PCDHGA2: variants seen among roughly 807,000 people sequenced by gnomAD.
PCDHGA2 encodes the protein protocadherin gamma-A2.
In PCDHGA2, 40 loss-of-function variants were observed where a neutral mutation model predicts 59.2. That is an observed-to-expected ratio of 0.68 (90% CI 0.52 to 0.88). The LOEUF (loss-of-function observed/expected upper bound fraction) is 0.88, where lower values mean the gene tolerates loss of function less well. Among genes scored for constraint, PCDHGA2 ranks in the 40% least tolerant of loss-of-function variants. The pLI is 0.00. For missense variants in PCDHGA2, 1,226 were observed against 1,204.0 expected (o/e 1.02, Z -0.27); for synonymous variants, 560 against 526.0 (o/e 1.06, Z -0.89).
In PCDHGA2 at chr5:141,394,083, G is replaced by A. The variant is rs146481056; in HGVS notation, c.2424+52688G>A. The A allele has an allele frequency of 3.1e-6, 5 of 1,613,826 alleles. No individual in the cohort carries two copies. The East Asian group carries it at 6.7e-5, about 22-fold the overall frequency. On this transcript the variant is annotated intron_variant, in intron 1 of 3. Transcript: ENST00000394576. ...CTCTATCTACAATATCACAGTGATG[G>A]CCTCAGATCTAGGAACACCACCTCT... is the stretch of plus-strand genomic sequence containing the variant.
At chr5:141,419,663 G>T (rs1459319505) in intron 1 of PCDHGA2, 1 of 1,612,710 alleles carries the variant, frequency 6.2e-7, no homozygotes, top group Non-Finnish European at 8.5e-7. Flanking sequence ...GGGGCACAAT[G>T]CCTGGCTGTC....
chr5:141,372,910 A>AT, intron 1 of PCDHGA2: 1 of 1,053,676 alleles, frequency 9.5e-7, no homozygotes, highest in East Asian at 2.6e-5. Flanking sequence ...TGATTACATT[A>AT]TTTTATTGAT....
At chr5:141,384,694 G>A (rs772190655) in intron 1 of PCDHGA2, 1 of 1,614,084 alleles carries the variant, frequency 6.2e-7, no homozygotes, top group Non-Finnish European at 8.5e-7. Context: ...CAAAGATTCA[G>A]GCCAGAACGC....
intron 1 of PCDHGA2, chr5:141,394,355 G>C (rs767192511): frequency 4.3e-6 from 7 of 1,614,064 alleles, no homozygotes; most frequent in African/African-American, 1.3e-5. Context: ...CCGGTGTCCT[G>C]TATGCGCTGC....
At chr5:141,369,977 G>T (rs1398752319) in intron 1 of PCDHGA2, among the ~76,000 whole-genome samples, 1 of 152,202 alleles carries the variant, frequency 6.6e-6, no homozygotes, top group African/African-American at 2.4e-5. Flanking sequence ...AAAGGTACTT[G>T]ATTTGGATGG....
chr5:141,340,880 G>A lies in PCDHGA2; in HGVS notation c.1909G>A (p.Ala637Thr), dbSNP rs970032953. 8 of 1,613,542 alleles carry A rather than the reference G, an allele frequency of 5.0e-6. No homozygotes were observed. In the African/African-American group the frequency reaches 6.7e-5, roughly 13 times the overall value. Residue 637 changes from alanine to threonine, a missense_variant, in exon 1 of 4, where the codon GCG (alanine) becomes ACG (threonine). Ala to Thr is a moderately conservative substitution (Grantham distance 58). Transcript: ENST00000394576. ...RTARALLDRDALKQSLVVAIQ... is the reference protein window; with the variant it reads ...RTARALLDRDTLKQSLVVAIQ... Reference sequence around the variant, plus strand: ...GGCGCGAGCCCTGCTGGACAGAGACGCGCTCAAGCAGAGCCTCGTGGTGGC... The same window carrying A: ...GGCGCGAGCCCTGCTGGACAGAGACACGCTCAAGCAGAGCCTCGTGGTGGC...
chr5:141,378,022 A>G (rs1411303620), intron 1 of PCDHGA2: 2 of 152,188 alleles, frequency 1.3e-5, no homozygotes, highest in Non-Finnish European at 2.9e-5. Flanking sequence ...TACTTATATT[A>G]TTTTTTAAAA....
chr5:141,410,455 T>G (rs2095396076), intron 1 of PCDHGA2: 3 of 1,613,914 alleles, frequency 1.9e-6, no homozygotes, highest in African/African-American at 2.7e-5. Flanking sequence ...TGCCTTATTC[T>G]TATAATCTGT....
In PCDHGA2 at chr5:141,431,739, A is replaced by G; in HGVS notation, c.2425-63068A>G. 3.1e-6 allele frequency: 5 copies of G among 1,614,240 alleles called. No homozygotes were observed. Among genetic ancestry groups the G allele is most frequent in the Non-Finnish European group, 3.4e-6 (4 of 1,180,048 alleles). Reference sequence around the variant, plus strand: ...GTGCAAGCAATGGATAATGCAGGATATTCTGCGCGAGCCAAAGTCCTGATC... The same window carrying G: ...GTGCAAGCAATGGATAATGCAGGATGTTCTGCGCGAGCCAAAGTCCTGATC... On this transcript the variant is annotated intron_variant, in intron 1 of 3. Transcript: ENST00000394576. The surrounding 1 kb of genome is among the most constrained non-coding windows in gnomAD (Gnocchi z 4.8).
At chr5:141,362,214 T>G in intron 1 of PCDHGA2, 7 of 1,613,984 alleles carry the variant, frequency 4.3e-6, no homozygotes, top group Non-Finnish European at 5.9e-6. Context: ...TTTACCTGGT[T>G]GTGGCCTTGG....
chr5:141,497,100 T>A (rs886445893), intron 2 of PCDHGA2, among the ~76,000 whole-genome samples: 2 of 151,774 alleles, frequency 1.3e-5, no homozygotes, highest in Non-Finnish European at 2.9e-5. Context: ...GAGGCAGAAC[T>A]GCTTGAACCC....
chr5:141,430,617 C>G, intron 1 of PCDHGA2: 1 of 715,450 alleles, frequency 1.4e-6, no homozygotes, highest in South Asian at 3.9e-5. Context: ...AAGCAGATAG[C>G]TAGGAATGAA....
In PCDHGA2 at chr5:141,450,775, C is replaced by T. The variant is rs561501224; in HGVS notation, c.2425-44032C>T. ...GTGCCGGGATTACAGGCATGAGCCA[C>T]CGTGCCCGGACCTCATGATTGTATT... On this transcript the variant is annotated intron_variant, in intron 1 of 3. Coordinates refer to ENST00000394576, the MANE Select transcript of PCDHGA2 (RefSeq NM_018915.4). Among the ~76,000 whole-genome samples the T allele has an allele frequency of 2.3e-3, 352 of 151,748 alleles. 1 individual carries two copies. The highest frequency in any genetic ancestry group is 4.5e-3 in the Non-Finnish European group (306 of 67,958).
At chr5:141,398,437 C>G (rs2093656645) in intron 1 of PCDHGA2, 20 of 1,556,582 alleles carry the variant, frequency 1.3e-5, no homozygotes, top group Non-Finnish European at 1.8e-5. Flanking sequence ...AGCTTGTGCT[C>G]TGGAATTTGA....
intron 1 of PCDHGA2, among the ~76,000 whole-genome samples, chr5:141,466,246 A>G (rs1357175003): frequency 6.6e-6 from 1 of 152,100 alleles, no homozygotes; most frequent in Non-Finnish European, 1.5e-5. Flanking sequence ...TCATGGCTCA[A>G]TGCAGCCTTG....
chr5:141,356,771 A>G (rs900722489), intron 1 of PCDHGA2: 2 of 1,613,906 alleles, frequency 1.2e-6, no homozygotes, highest in African/African-American at 1.3e-5. Context: ...GACTATGAGC[A>G]GTTTAGAGAC....
At chr5:141,394,203 A>G (rs1380354099) in intron 1 of PCDHGA2, 1 of 1,613,814 alleles carries the variant, frequency 6.2e-7, no homozygotes, top group Non-Finnish European at 8.5e-7. Context: ...TATCCTAGAG[A>G]ACAACCTGAG....
At chr5:141,458,172 T>C (rs1023447659) in intron 1 of PCDHGA2, among the ~76,000 whole-genome samples, 2 of 152,216 alleles carry the variant, frequency 1.3e-5, no homozygotes, top group African/African-American at 4.8e-5. Flanking sequence ...CACAGTAGTA[T>C]ACCTTACTTG....
At chr5:141,375,521 G>A in intron 1 of PCDHGA2, 1 of 1,613,994 alleles carries the variant, frequency 6.2e-7, no homozygotes, top group Non-Finnish European at 8.5e-7. Context: ...ACTGGACCCT[G>A]ACGTGGACCA....
Sources: gnomAD v4.1 joint callset for allele counts (sites outside exome capture counted in the v4.1 genomes callset) on GRCh38, gnomAD v4.1.1 for gene constraint, Gnocchi (gnomAD v3.1) non-coding constraint, MANE v1.5 for transcripts, NCBI Gene and HGNC (gene_info 2026-07-23, HGNC 2026-07-21) for gene names.